Variants in TACC1 observed in about 807,000 individuals in gnomAD.
The protein encoded by TACC1 is transforming acidic coiled-coil-containing protein 1.
In TACC1, 48 loss-of-function variants were observed where a neutral mutation model predicts 84.4. The ratio of observed to expected loss-of-function variants is 0.57; its 90% CI spans 0.45 to 0.72. The LOEUF is 0.72. Among genes scored for constraint, TACC1 ranks in the 30% least tolerant of loss-of-function variants. The pLI, the probability that TACC1 is intolerant of heterozygous loss-of-function variation, is 0.00. For missense variants in TACC1, 920 were observed against 973.0 expected, an observed-to-expected ratio of 0.95 and a Z score of 0.72; for synonymous variants, 372 against 376.3, an observed-to-expected ratio of 0.99 and a Z score of 0.13.
chr8:38,802,092 TAG>T (rs1465958757), intron 2 of TACC1: 1 of 152,316 alleles, frequency 6.6e-6, no homozygotes, highest in Non-Finnish European at 1.5e-5. Context: ...AAATTATTTG[TAG>T]AGAGAGGGTT....
chr8:38,822,159 T>G (rs1024002011), intron 3 of TACC1, among the ~76,000 whole-genome samples: 1 of 151,020 alleles, frequency 6.6e-6, no homozygotes, highest in African/African-American at 2.4e-5. Context: ...GCAGGAGGAT[T>G]GCTTGAGCCC....
rs1832848233 is a variant in TACC1 at position 38,849,753 on chromosome 8, T to C, written c.*1730T>C. On this transcript the variant is annotated 3_prime_UTR_variant, in exon 13 of 13. Coordinates refer to ENST00000317827, the MANE Select transcript of TACC1 (RefSeq NM_006283.3). The stretch of plus-strand genomic sequence containing the variant: ...TCAAGCCTGTTGTCTTAACATTTTG[T>C]ATAAAAAAGAACAACAGAAATTATC... The C allele has an allele frequency of 3.9e-5, 6 of 152,642 alleles. No homozygotes were observed. Among genetic ancestry groups the C allele is most frequent in the African/African-American group, 1.4e-4 (6 of 41,440 alleles). 9.5% of individuals were successfully genotyped at this position (152,642 alleles called of 1,614,324 possible). A position where few individuals can be genotyped will look rare whatever the true frequency, so the allele number is the denominator to read the frequency against.
chr8:38,823,820 A>G (rs1352564427), intron 3 of TACC1, among the ~76,000 whole-genome samples: 4 of 152,290 alleles, frequency 2.6e-5, no homozygotes, highest in East Asian at 3.9e-4. Flanking sequence ...TCATTCACTC[A>G]CTGGTGATAA....
chr8:38,757,209 G>GGGCCCCCCC, intron 3 of TACC1: 2 of 262,220 alleles, frequency 7.6e-6, no homozygotes, highest in Non-Finnish European at 1.5e-5. Context: ...ACGGCCGGGC[G>GGGCCCCCCC]CCCCACCCCG....
At chr8:38,731,767 C>CAACAACAAAAAA (rs1172157673) in intron 1 of TACC1, among the ~76,000 whole-genome samples, 120 of 151,478 alleles carry the variant, frequency 7.9e-4, no homozygotes, top group Middle Eastern at 3.4e-3. Flanking sequence ...ACAACAACAA[C>CAACAACAAAAAA]AAAACTAGTC....
chr8:38,803,378 T>C (rs1286086862), intron 2 of TACC1, among the ~76,000 whole-genome samples: 1 of 152,256 alleles, frequency 6.6e-6, no homozygotes, highest in African/African-American at 2.4e-5. Flanking sequence ...TCTTTTATCA[T>C]TAAGTATGAC....
chr8:38,776,175 TG>T (rs1303064840), intron 3 of TACC1, among the ~76,000 whole-genome samples: 1 of 152,218 alleles, frequency 6.6e-6, no homozygotes, highest in Non-Finnish European at 1.5e-5. Flanking sequence ...CCATTCTACT[TG>T]GCCTTTGTGA....
At chr8:38,823,723 T>C (rs951600319) in intron 3 of TACC1, among the ~76,000 whole-genome samples, 12 of 152,220 alleles carry the variant, frequency 7.9e-5, no homozygotes, top group Non-Finnish European at 1.8e-4. Context: ...GCTAGACCTC[T>C]TGGAAGTTTA....
intron 9 of TACC1, chr8:38,840,637 T>C (rs1831084886): frequency 6.0e-6 from 1 of 165,830 alleles, no homozygotes; most frequent in Non-Finnish European, 1.3e-5. Context: ...CGGATCCATT[T>C]ATGATTTTCA....
At chr8:38,805,268 A>G (rs1469868219) in intron 2 of TACC1, among the ~76,000 whole-genome samples, 1 of 152,230 alleles carries the variant, frequency 6.6e-6, no homozygotes, top group African/African-American at 2.4e-5. Context: ...AGTCAATAAT[A>G]AAGGTCCTTT....
At chr8:38,782,433 G>A (rs1816212855), upstream of TACC1, among the ~76,000 whole-genome samples, 1 of 152,082 alleles carries the variant, frequency 6.6e-6, no homozygotes, top group Non-Finnish European at 1.5e-5. Flanking sequence ...TTGGACATTT[G>A]GGTTGGTTCC....
At chr8:38,735,737 C>T (rs1805842884) in intron 1 of TACC1, among the ~76,000 whole-genome samples, 1 of 152,148 alleles carries the variant, frequency 6.6e-6, no homozygotes, top group African/African-American at 2.4e-5. Flanking sequence ...GTAAATGGTC[C>T]CTTTATTAAA....
chr8:38,836,438 G>A, intron 7 of TACC1, 151 bp downstream of exon 7: 1 of 994,076 alleles, frequency 1.0e-6, no homozygotes, highest in East Asian at 2.7e-5. Flanking sequence ...AGGGCCCCCT[G>A]TGGCAGTGGT....
intron 2 of TACC1, among the ~76,000 whole-genome samples, chr8:38,807,044 A>G (rs1259517002): frequency 6.6e-6 from 1 of 152,228 alleles, no homozygotes; most frequent in Admixed American, 6.5e-5. Context: ...TATAAAGGAT[A>G]CAACTCAGAA....
Position 38,788,736 on chromosome 8 carries a change from A to C in TACC1, c.194A>C (p.Glu65Ala). The change falls in exon 2 of 13, where the codon GAA (glutamate) becomes GCA (alanine). Residue 65 changes from glutamate to alanine, a missense_variant. Coordinates refer to ENST00000317827, the MANE Select transcript of TACC1 (RefSeq NM_006283.3). ...TCTGAAGGTAATTTTGAGACTCCTG[A>C]AGCTGAAACCCCGATCCGATCACCT... ...SDSEGNFETPEAETPIRSPFK... is the reference protein window; with the variant it reads ...SDSEGNFETPAAETPIRSPFK... 6.2e-7 allele frequency: 1 copy of C among 1,614,038 alleles called. No individual in the cohort carries two copies. Among genetic ancestry groups the C allele is most frequent in the Admixed American group, 1.7e-5 (1 of 60,008 alleles).
chr8:38,818,839 G>T (rs1391672840), intron 2 of TACC1, among the ~76,000 whole-genome samples: 2 of 150,226 alleles, frequency 1.3e-5, no homozygotes, highest in Non-Finnish European at 3.0e-5. Context: ...ATGCAGTGGC[G>T]CAATCTCGGC....
Position 38,787,457 on chromosome 8 carries a change from A to G in TACC1, c.-126A>G, listed in dbSNP as rs1201694803. On this transcript the variant is annotated 5_prime_UTR_variant, in exon 1 of 13. Transcript: ENST00000317827. ...GGCCCCCGACGGCACTCGTTTAACC[A>G]CATCCGCGCCTCTGCTGGAAACGCT... The G allele has an allele frequency of 3.6e-6, 5 of 1,386,020 alleles. No individual in the cohort carries two copies. The highest frequency in any genetic ancestry group is 1.5e-5 in the African/African-American group (1 of 65,334). 85.9% of individuals were successfully genotyped at this position (1,386,020 alleles called of 1,614,324 possible).
chr8:38,835,887 T>G (rs1830125514), intron 6 of TACC1, among the ~76,000 whole-genome samples: 1 of 152,264 alleles, frequency 6.6e-6, no homozygotes, highest in Non-Finnish European at 1.5e-5. Context: ...GACTGACCGC[T>G]ATTATAAGTA....
At chr8:38,827,003 ACAATTGAAAGACTC>A (rs1430253404) in intron 4 of TACC1, among the ~76,000 whole-genome samples, 151 bp from the exon 5 acceptor site, 2 of 152,230 alleles carry the variant, frequency 1.3e-5, no homozygotes, top group African/African-American at 4.8e-5. Context: ...ACAGCATCTC[ACAATTGAAAGACTC>A]CAACTTCCTC....
Sources: gnomAD v4.1 joint callset for allele counts (sites outside exome capture counted in the v4.1 genomes callset) on GRCh38, gnomAD v4.1.1 for gene constraint, MANE v1.5 for transcripts, NCBI Gene and HGNC (gene_info 2026-07-23, HGNC 2026-07-21) for gene names.